UMODL1: variants seen among roughly 807,000 people sequenced by gnomAD.
UMODL1 encodes uromodulin-like 1.
Under a neutral mutation model 136.3 loss-of-function variants are expected in UMODL1, and 128 were observed. The ratio of observed to expected loss-of-function variants is 0.94; its 90% CI spans 0.81 to 1.09. UMODL1 has a LOEUF of 1.09. Among genes scored for constraint, UMODL1 ranks in the 50% least tolerant of loss-of-function variants. The pLI is 0.00. For missense variants in UMODL1, 1,766 were observed against 1,725.6 expected (o/e 1.02, Z -0.41); for synonymous variants, 721 against 720.0 (o/e 1.00, Z -0.02).
intron 6 of UMODL1, chr21:42,093,914 A>G (rs2146457769): frequency 2.2e-6 from 1 of 456,702 alleles, no homozygotes; most frequent in East Asian, 7.0e-5. Context: ...CCACGTCCAC[A>G]TCCCACGGCA....
In UMODL1 at chr21:42,141,107, A is replaced by G. The variant is rs368441985; in HGVS notation, c.*22-989A>G. Reference sequence around the variant, plus strand: ...GATTTTTGAAACAACTCAGCAAAGTATAGTAGACACTGGCTCCAATCTTAA... The same window carrying G: ...GATTTTTGAAACAACTCAGCAAAGTGTAGTAGACACTGGCTCCAATCTTAA... On this transcript the variant is annotated intron_variant, in intron 22 of 22. Transcript: ENST00000408910. Among the ~76,000 whole-genome samples the G allele has an allele frequency of 4.5e-3, 683 of 151,676 alleles. 6 individuals are homozygous for G. The highest frequency in any genetic ancestry group is 0.016 in the African/African-American group (655 of 41,448).
chr21:42,081,973 GCTGCACC>G (rs2066367194), intron 2 of UMODL1, among the ~76,000 whole-genome samples: 1 of 152,220 alleles, frequency 6.6e-6, no homozygotes, highest in Non-Finnish European at 1.5e-5. Flanking sequence ...CCCTCCTCGA[GCTGCACC>G]CAACGTTCAT....
At chr21:42,103,376 G>C (rs2066661637) in intron 8 of UMODL1, 4 of 301,876 alleles carry the variant, frequency 1.3e-5, no homozygotes, top group South Asian at 1.2e-4. Context: ...CAGGGAACCA[G>C]GCTGGTATCT....
chr21:42,073,054 A>T (rs1053883983), intron 1 of UMODL1, among the ~76,000 whole-genome samples: 3 of 152,140 alleles, frequency 2.0e-5, no homozygotes, highest in African/African-American at 7.2e-5. Context: ...GCGTGTGCGC[A>T]TGTGTGCAGG....
At position 42,142,853 on chromosome 21, in the gene UMODL1, T is replaced by A. The variant is rs1031397674; in HGVS notation, c.*779T>A. Reference sequence around the variant, plus strand: ...GAAACCAGAGGAGCCGATGAGTTACTTAATTGAGGTCACAGAATGAATTAG... The same window carrying A: ...GAAACCAGAGGAGCCGATGAGTTACATAATTGAGGTCACAGAATGAATTAG... On this transcript the variant is annotated 3_prime_UTR_variant, in exon 23 of 23. Transcript: ENST00000408910. 6.6e-6 allele frequency: 1 copy of A among 152,244 alleles called. No individual in the cohort carries two copies. The highest frequency in any genetic ancestry group is 1.5e-5 in the Non-Finnish European group (1 of 68,052). The allele number at this position is 152,244 out of a possible 1,614,324, so 9.4% of individuals were successfully genotyped here.
chr21:42,122,566 T>C lies in UMODL1; in HGVS notation c.2828-265T>C, dbSNP rs1212078051. 6.8e-6 allele frequency among the ~76,000 whole-genome samples: 1 copy of C among 146,388 alleles called. No individual in the cohort carries two copies. The highest frequency in any genetic ancestry group is 1.5e-5 in the Non-Finnish European group (1 of 65,960). On this transcript the variant is annotated intron_variant, in intron 16 of 22. Coordinates refer to ENST00000408910, the MANE Select transcript of UMODL1 (RefSeq NM_001004416.3). This position sits in a 1 kb window ranked among gnomAD's most constrained non-coding sequence, Gnocchi z 4.3. ...GTGTGCGTGTGTGTGTGTCTGCACG[T>C]GTGTGCGTGCGTGTGTGCATGTGTG... is the stretch of plus-strand genomic sequence containing the variant.
At chr21:42,079,170 C>G (rs1477137661) in intron 2 of UMODL1, among the ~76,000 whole-genome samples, 1 of 152,178 alleles carries the variant, frequency 6.6e-6, no homozygotes, top group Non-Finnish European at 1.5e-5. Context: ...CCTTCCTGCT[C>G]CCGCTCTGCA....
intron 9 of UMODL1, among the ~76,000 whole-genome samples, chr21:42,105,059 C>A (rs1472230781): frequency 4.6e-5 from 7 of 152,208 alleles, no homozygotes; most frequent in Admixed American, 4.6e-4. Context: ...CTGTCCCAAC[C>A]TTCCCCCACC....
intron 6 of UMODL1, 109 bp downstream of exon 6, chr21:42,090,547 T>C: frequency 3.7e-6 from 5 of 1,344,026 alleles, no homozygotes; most frequent in Non-Finnish European, 5.0e-6. Context: ...GAGATAACTC[T>C]GCCATGAAAT....
chr21:42,117,083 G>GAA (rs35005920), intron 14 of UMODL1, among the ~76,000 whole-genome samples: 6,140 of 148,836 alleles, frequency 0.041, 158 homozygotes, highest in Middle Eastern at 0.058. Flanking sequence ...CTCAAAAACA[G>GAA]AAAAAAAAAA....
rs904997505 is a variant in UMODL1, at chr21:42,124,128, G to A, written c.3147+978G>A. On this transcript the variant is annotated intron_variant, in intron 17 of 22. Coordinates refer to ENST00000408910, the MANE Select transcript of UMODL1 (RefSeq NM_001004416.3). ...TCCCAGGGTGCCTCTGTGTCACAGCGAACGCTCCCATGCAGGCCCTTGTTC... is the reference window on the plus strand; with the variant it reads ...TCCCAGGGTGCCTCTGTGTCACAGCAAACGCTCCCATGCAGGCCCTTGTTC... 6.6e-5 allele frequency among the ~76,000 whole-genome samples: 10 copies of A among 151,592 alleles called. No individual in the cohort carries two copies. The East Asian group carries it at 1.2e-3, about 18-fold the overall frequency.
intron 6 of UMODL1, among the ~76,000 whole-genome samples, chr21:42,092,981 C>T (rs1029575024): frequency 7.9e-5 from 12 of 152,206 alleles, no homozygotes; most frequent in African/African-American, 2.9e-4. Flanking sequence ...CCCTAGGAGC[C>T]CTCTGGCGGG....
In UMODL1 at chr21:42,127,006, G is replaced by C; in HGVS notation, c.3294G>C (p.Gly1098=). 2 of 1,613,854 alleles carry C rather than the reference G, an allele frequency of 1.2e-6. No individual in the cohort carries two copies. Among genetic ancestry groups the C allele is most frequent in the Non-Finnish European group, 1.7e-6 (2 of 1,179,776 alleles). ...LTSSGFTLEW[G]VYTIIEDLHG... ...TCCTGCAAGCTGCTTCCTCTTGCAG[G>C]GTTTACACCATCATCGAGGACCTCC... is the stretch of plus-strand genomic sequence containing the variant. The change falls in exon 19 of 23, where the codon GGG becomes GGC. Residue 1098 remains glycine (G), a splice_region_variant and synonymous_variant. Transcript: ENST00000408910.
At chr21:42,082,954 C>G (rs1374448870) in intron 2 of UMODL1, among the ~76,000 whole-genome samples, 1 of 152,206 alleles carries the variant, frequency 6.6e-6, no homozygotes, top group Non-Finnish European at 1.5e-5. Flanking sequence ...CCGTGGCCTC[C>G]CCCTGCAGCC....
intron 1 of UMODL1, among the ~76,000 whole-genome samples, chr21:42,073,497 G>T (rs2066255047): frequency 1.3e-5 from 2 of 152,214 alleles, no homozygotes; most frequent in Non-Finnish European, 2.9e-5. Context: ...GTGATTTGGG[G>T]TTCAGCCCCC....
At chr21:42,075,072 G>C (rs2066272854) in intron 1 of UMODL1, among the ~76,000 whole-genome samples, 1 of 151,886 alleles carries the variant, frequency 6.6e-6, no homozygotes, top group African/African-American at 2.4e-5. Context: ...CTAATTTTTT[G>C]TATTTTTAGT....
At chr21:42,126,602 T>A in intron 18 of UMODL1, 112 bp downstream of exon 18, 1 of 1,482,156 alleles carries the variant, frequency 6.7e-7, no homozygotes, top group Non-Finnish European at 9.1e-7. Context: ...AGATGGAATA[T>A]ACAAATGGGT....
At chr21:42,104,828 G>A (rs1002162041) in intron 9 of UMODL1, among the ~76,000 whole-genome samples, 1 of 152,216 alleles carries the variant, frequency 6.6e-6, no homozygotes, top group African/African-American at 2.4e-5. Context: ...CATGGACACA[G>A]GACAGACACA....
chr21:42,110,071 C>G (rs565976925), intron 10 of UMODL1, among the ~76,000 whole-genome samples: 1 of 130,844 alleles, frequency 7.6e-6, no homozygotes, highest in East Asian at 2.6e-4. Context: ...GGCCTGGAGC[C>G]CGAGAGGGTG....
Sources: gnomAD v4.1 joint callset for allele counts (sites outside exome capture counted in the v4.1 genomes callset) on GRCh38, gnomAD v4.1.1 for gene constraint, Gnocchi (gnomAD v3.1) non-coding constraint, MANE v1.5 for transcripts, NCBI Gene and HGNC (gene_info 2026-07-23, HGNC 2026-07-21) for gene names.